Variants in BLK observed in about 807,000 individuals in gnomAD.
BLK encodes BLK proto-oncogene, Src family tyrosine kinase.
A neutral mutation model predicts 61.8 loss-of-function variants in BLK; 64 were observed. The ratio of observed to expected loss-of-function variants is 1.03; its 90% CI spans 0.85 to 1.27. BLK has a LOEUF of 1.27. BLK is among the 50% of genes most tolerant of loss of function. The pLI, the probability that BLK is intolerant of heterozygous loss-of-function variation, is 0.00. For missense variants in BLK, 853 were observed against 660.5 expected (o/e 1.29, Z -3.19); for synonymous variants, 351 against 272.0 (o/e 1.29, Z -2.86).
At chr8:11,557,775 A>C in intron 9 of BLK, 187 bp from the exon 10 acceptor site, 1 of 599,514 alleles carries the variant, frequency 1.7e-6, no homozygotes, top group Admixed American at 2.3e-5. Flanking sequence ...GGGTGCTGAG[A>C]CTGGCATTTT....
chr8:11,548,162 A>G (rs756421117), intron 4 of BLK, 37 bp downstream of exon 4: 35 of 1,497,078 alleles, frequency 2.3e-5, no homozygotes, highest in Admixed American at 1.7e-5. Flanking sequence ...TCCCTGCAGG[A>G]CCCCCCTCCC....
intron 1 of BLK, among the ~76,000 whole-genome samples, chr8:11,514,632 G>A (rs11250141): frequency 0.49 from 74,479 of 151,984 alleles, 20,309 homozygotes; most frequent in East Asian, 0.73. Context: ...CAGCCCCTGT[G>A]ATTGCACTGC....
intron 4 of BLK, 76 bp downstream of exon 4, chr8:11,548,201 A>T: frequency 4.0e-6 from 5 of 1,264,368 alleles, no homozygotes; most frequent in Non-Finnish European, 5.7e-6. Flanking sequence ...CACCCACCAC[A>T]TCCTCCATGG....
chr8:11,550,306 C>T lies in BLK; in HGVS notation c.472+44C>T, dbSNP rs371553190. 1.2e-4 allele frequency: 192 copies of T among 1,582,796 alleles called. No individual in the cohort carries two copies. The Middle Eastern group carries it at 2.0e-3, about 17-fold the overall frequency. On this transcript the variant is annotated intron_variant, in intron 6 of 12. Transcript: ENST00000259089. ...CCTGCCTTCCTTGCCCTGCTCCTCC[C>T]GGGAAGGCGCCTCCAGAGGCCTGGC...
At chr8:11,544,382 G>A (rs1251844744) in intron 2 of BLK, among the ~76,000 whole-genome samples, 1 of 152,130 alleles carries the variant, frequency 6.6e-6, no homozygotes, top group Admixed American at 6.5e-5. Flanking sequence ...CTGTCCACAT[G>A]TCCACGTGGT....
chr8:11,552,368 T>C (rs1203161127), intron 6 of BLK: 3 of 151,798 alleles, frequency 2.0e-5, no homozygotes, highest in East Asian at 3.9e-4. Context: ...TGAATGCATA[T>C]ACATACATAT....
At position 11,562,715 on chromosome 8, in the gene BLK, C is replaced by T. The variant is rs141703593; in HGVS notation, c.1181-264C>T. 4.7e-3 allele frequency among the ~76,000 whole-genome samples: 715 copies of T among 152,368 alleles called. 8 individuals are homozygous for T. The highest frequency in any genetic ancestry group is 0.016 in the African/African-American group (676 of 41,586). On this transcript the variant is annotated intron_variant, in intron 11 of 12. Transcript: ENST00000259089. ...GTGGCTGCCCATTGAGGCCATCGCT[C>T]TCTTTTTAAAGAACCAAAGTGGGTG...
rs185345507 is a variant in BLK, at chr8:11,544,492, G to A, written c.123+1145G>A. 3.2e-3 allele frequency among the ~76,000 whole-genome samples: 484 copies of A among 152,216 alleles called. 1 individual carries two copies. Among genetic ancestry groups the A allele is most frequent in the Middle Eastern group, 0.014 (4 of 294 alleles). On this transcript the variant is annotated intron_variant, in intron 2 of 12. Transcript: ENST00000259089. ...TCTTACCTATCTGTGTCCCAGTTTA[G>A]CGCCAGTCTCAGCGCACAACCACAA...
intron 1 of BLK, among the ~76,000 whole-genome samples, chr8:11,518,464 T>C (rs891846686): frequency 6.6e-6 from 1 of 152,138 alleles, no homozygotes; most frequent in South Asian, 2.1e-4. Flanking sequence ...TTTGGGAGGA[T>C]TGAGGGGTGT....
At chr8:11,524,955 G>T (rs989315493) in intron 1 of BLK, among the ~76,000 whole-genome samples, 11 of 149,810 alleles carry the variant, frequency 7.3e-5, no homozygotes, top group African/African-American at 2.5e-4. Context: ...TACATATCAC[G>T]AATGTTCAGA....
intron 8 of BLK, 169 bp from the exon 9 acceptor site, chr8:11,556,489 C>T: frequency 1.3e-6 from 1 of 787,816 alleles, no homozygotes; most frequent in Non-Finnish European, 2.1e-6. Flanking sequence ...TAGAAGGGAC[C>T]TGGAACGCAA....
At position 11,549,141 on chromosome 8, in the gene BLK, C is replaced by T. The variant is rs1277125094; in HGVS notation, c.368+19C>T. ...TGGAAAGGTAGGTGGGCACGGGAAC[C>T]CCCCTCGAGCCAAGATGCAGTCACT... On this transcript the variant is annotated intron_variant, in intron 5 of 12. Coordinates refer to ENST00000259089, the MANE Select transcript of BLK (RefSeq NM_001715.3). 5 of 1,571,062 alleles carry T rather than the reference C, an allele frequency of 3.2e-6. No homozygotes were observed. In the East Asian group the frequency reaches 1.1e-4, roughly 36 times the overall value.
chr8:11,554,418 G>C (rs113329291), intron 6 of BLK, among the ~76,000 whole-genome samples: 1 of 152,060 alleles, frequency 6.6e-6, no homozygotes, highest in African/African-American at 2.4e-5. Context: ...CATGACAAAG[G>C]GTCCCCGAGT....
At chr8:11,548,235 C>T (rs985444313) in intron 4 of BLK, 110 bp downstream of exon 4, 25 of 921,376 alleles carry the variant, frequency 2.7e-5, no homozygotes, top group African/African-American at 2.0e-4. Context: ...TCTTCTCCAT[C>T]GCCCTGCCCC....
At chr8:11,540,832 T>G (rs1735043046) in intron 1 of BLK, among the ~76,000 whole-genome samples, 1 of 144,144 alleles carries the variant, frequency 6.9e-6, no homozygotes, top group Non-Finnish European at 1.5e-5. Context: ...ATAACCCCAC[T>G]GTTATGAAAC....
chr8:11,527,001 G>T (rs753128406), intron 1 of BLK, among the ~76,000 whole-genome samples: 10 of 152,034 alleles, frequency 6.6e-5, no homozygotes, highest in Non-Finnish European at 1.0e-4. Flanking sequence ...GGTCACACTC[G>T]GCTATCCTTA....
intron 1 of BLK, among the ~76,000 whole-genome samples, chr8:11,511,570 T>C (rs1010921749): frequency 9.2e-5 from 14 of 152,220 alleles, no homozygotes; most frequent in African/African-American, 2.7e-4. Flanking sequence ...CAAGTGTGTA[T>C]ACCTGGAGCA....
rs1423289570 is a variant in BLK at position 11,549,158 on chromosome 8, G to A, written c.368+36G>A. 5 of 1,544,274 alleles carry A rather than the reference G, an allele frequency of 3.2e-6. No homozygotes were observed. In the African/African-American group the frequency reaches 5.5e-5, roughly 17 times the overall value. On this transcript the variant is annotated intron_variant, in intron 5 of 12. Transcript: ENST00000259089. The stretch of plus-strand genomic sequence containing the variant: ...ACGGGAACCCCCCTCGAGCCAAGAT[G>A]CAGTCACTGTTTCTGCTCCCTGGGC...
At chr8:11,533,959 G>C (rs903846099) in intron 1 of BLK, among the ~76,000 whole-genome samples, 2 of 152,254 alleles carry the variant, frequency 1.3e-5, no homozygotes, top group African/African-American at 4.8e-5. Flanking sequence ...TGGCGGGCCT[G>C]CCTTTCAATC....
Sources: allele counts gnomAD v4.1 joint callset (sites outside exome capture counted in the v4.1 genomes callset), GRCh38; gene constraint gnomAD v4.1.1; transcripts MANE v1.5; gene names NCBI Gene and HGNC (gene_info 2026-07-23, HGNC 2026-07-21).